The following PTPN4 variants were observed in gnomAD, a reference collection of about 807,000 sequenced individuals.
The protein encoded by PTPN4 is protein tyrosine phosphatase non-receptor type 4, also known as tyrosine-protein phosphatase non-receptor type 4.
PTPN4 carries 49 observed loss-of-function variants against 135.5 expected under a neutral mutation model. The ratio of observed to expected loss-of-function variants is 0.36; its 90% CI spans 0.29 to 0.46. The LOEUF is 0.46. PTPN4 is among the 20% of genes least tolerant of loss of function. The probability of loss-of-function intolerance (pLI) is 1.00; values close to 1 mark genes in which losing one functional copy is unlikely to be tolerated. For synonymous variants in PTPN4, 333 were observed against 369.9 expected, an observed-to-expected ratio of 0.90 and a Z score of 1.14; for missense variants, 860 against 1,101.0, an observed-to-expected ratio of 0.78 and a Z score of 3.10.
At chr2:119,797,843 A>G (rs897890471) in intron 1 of PTPN4, among the ~76,000 whole-genome samples, 7 of 152,226 alleles carry the variant, frequency 4.6e-5, no homozygotes, top group Admixed American at 4.6e-4. Context: ...CCAGAATTTT[A>G]ATTCCCCAGT....
chr2:119,790,097 T>G (rs1428707154), intron 1 of PTPN4, among the ~76,000 whole-genome samples: 1 of 152,194 alleles, frequency 6.6e-6, no homozygotes, highest in East Asian at 1.9e-4. Flanking sequence ...TCAGTCCTTT[T>G]AAATTTACTG....
intron 6 of PTPN4, 132 bp from the exon 7 acceptor site, chr2:119,881,965 C>T: frequency 9.3e-7 from 1 of 1,076,794 alleles, no homozygotes; most frequent in Non-Finnish European, 1.4e-6. Context: ...TTCCTTTCAT[C>T]AGATAAGTTT....
chr2:119,903,030 G>A (rs1678429823), intron 10 of PTPN4, among the ~76,000 whole-genome samples: 1 of 152,106 alleles, frequency 6.6e-6, no homozygotes, highest in Non-Finnish European at 1.5e-5. Flanking sequence ...TCCACACAGA[G>A]GGCTGCAAAG....
chr2:119,920,442 G>T (rs1483113126), intron 12 of PTPN4, among the ~76,000 whole-genome samples: 1 of 152,012 alleles, frequency 6.6e-6, no homozygotes, highest in East Asian at 1.9e-4. Context: ...TGAGAAACCA[G>T]TTCTGTGTTC....
chr2:119,787,250 G>T (rs1691063086), intron 1 of PTPN4, among the ~76,000 whole-genome samples: 1 of 152,184 alleles, frequency 6.6e-6, no homozygotes, highest in Non-Finnish European at 1.5e-5. Flanking sequence ...AAACCCAGTT[G>T]GGGAAGGACA....
chr2:119,927,914 A>G (rs1026047953), intron 13 of PTPN4, among the ~76,000 whole-genome samples: 4 of 152,152 alleles, frequency 2.6e-5, no homozygotes, highest in African/African-American at 7.2e-5. Context: ...TCCTCCTTCC[A>G]AAAGTGGAAA....
chr2:119,879,270 A>G (rs985986829), intron 5 of PTPN4, among the ~76,000 whole-genome samples: 14 of 152,220 alleles, frequency 9.2e-5, no homozygotes, highest in African/African-American at 3.4e-4. Flanking sequence ...TATAGCCTGC[A>G]TTGAAAACAT....
chr2:119,835,018 C>T (rs1172734977), intron 2 of PTPN4, among the ~76,000 whole-genome samples: 2 of 152,136 alleles, frequency 1.3e-5, no homozygotes, highest in Non-Finnish European at 2.9e-5. Flanking sequence ...TCAACGATAG[C>T]GTCCATACTT....
intron 15 of PTPN4, among the ~76,000 whole-genome samples, chr2:119,938,418 T>C (rs1261721636): frequency 6.6e-6 from 1 of 152,068 alleles, no homozygotes; most frequent in Non-Finnish European, 1.5e-5. Flanking sequence ...TGAGCCACCA[T>C]GCCTGGCTAA....
In PTPN4 at chr2:119,952,144, T is replaced by G. The variant is rs927977028; in HGVS notation, c.1813+15T>G. 2.5e-6 allele frequency: 4 copies of G among 1,595,444 alleles called. No individual in the cohort carries two copies. The highest frequency in any genetic ancestry group is 3.4e-6 in the Non-Finnish European group (4 of 1,166,228). ...TCGACCTAATGGTGAGTACTCTATG[T>G]AGTACCAGATAATTTATAGTAATTT... On this transcript the variant is annotated intron_variant, in intron 19 of 26. Coordinates refer to ENST00000263708, the MANE Select transcript of PTPN4 (RefSeq NM_002830.4).
At chr2:119,929,506 C>G (rs1478791493) in intron 13 of PTPN4, among the ~76,000 whole-genome samples, 1 of 152,066 alleles carries the variant, frequency 6.6e-6, no homozygotes, top group Non-Finnish European at 1.5e-5. Flanking sequence ...CTGATTATCA[C>G]CTCTTCAAAT....
At chr2:119,791,238 T>A (rs1254799235) in intron 1 of PTPN4, 1 of 151,628 alleles carries the variant, frequency 6.6e-6, no homozygotes, top group Non-Finnish European at 1.5e-5. Context: ...CAAGCGATTC[T>A]CCTGCCTCAG....
chr2:119,914,551 A>T (rs1257611602), intron 10 of PTPN4, among the ~76,000 whole-genome samples: 2 of 152,116 alleles, frequency 1.3e-5, no homozygotes, highest in African/African-American at 2.4e-5. Flanking sequence ...TTATCATGAA[A>T]ATATTTACTT....
chr2:119,947,190 T>C (rs376744705), intron 18 of PTPN4, among the ~76,000 whole-genome samples: 18 of 152,178 alleles, frequency 1.2e-4, no homozygotes, highest in African/African-American at 4.3e-4. Context: ...TTCCTATTTA[T>C]GTTGTCTACT....
intron 2 of PTPN4, among the ~76,000 whole-genome samples, chr2:119,818,513 C>G (rs2104954085): frequency 6.6e-6 from 1 of 152,288 alleles, no homozygotes; most frequent in Middle Eastern, 3.4e-3. Context: ...TGGCCTCAAG[C>G]AATCCTCCTA....
intron 1 of PTPN4, among the ~76,000 whole-genome samples, chr2:119,765,571 A>T (rs779831709): frequency 6.6e-6 from 1 of 152,246 alleles, no homozygotes; most frequent in African/African-American, 2.4e-5. Flanking sequence ...ACATTCCTTT[A>T]TATGTTAAGC....
chr2:119,767,503 C>G (rs1385747157), intron 1 of PTPN4, among the ~76,000 whole-genome samples: 2 of 152,220 alleles, frequency 1.3e-5, no homozygotes, highest in Admixed American at 1.3e-4. Context: ...AGATGCCATT[C>G]AAATTTTTCC....
At chr2:119,937,388 T>C (rs1182454777) in intron 15 of PTPN4, among the ~76,000 whole-genome samples, 1 of 152,220 alleles carries the variant, frequency 6.6e-6, no homozygotes, top group East Asian at 1.9e-4. Context: ...TTACCAATTA[T>C]TTATTTAAGT....
At chr2:119,939,326 G>T (rs1679029170) in intron 15 of PTPN4, among the ~76,000 whole-genome samples, 1 of 152,044 alleles carries the variant, frequency 6.6e-6, no homozygotes, top group African/African-American at 2.4e-5. Flanking sequence ...TTAGGGACAG[G>T]GTCTTGCTCT....
Sources: gnomAD v4.1 joint callset for allele counts (sites outside exome capture counted in the v4.1 genomes callset) on GRCh38, gnomAD v4.1.1 for gene constraint, MANE v1.5 for transcripts, NCBI Gene and HGNC (gene_info 2026-07-23, HGNC 2026-07-21) for gene names.